Variants in CEP85L observed in about 807,000 individuals in gnomAD.
The protein encoded by CEP85L is centrosomal protein of 85 kDa-like.
CEP85L carries 60 observed loss-of-function variants against 100.3 expected under a neutral mutation model. The observed-to-expected ratio is 0.60, with a 90% CI of 0.49 to 0.74. The LOEUF (loss-of-function observed/expected upper bound fraction) is 0.74, where lower values mean the gene tolerates loss of function less well. Among genes scored for constraint, CEP85L ranks in the 30% least tolerant of loss-of-function variants. The pLI, the probability that CEP85L is intolerant of heterozygous loss-of-function variation, is 0.00. For synonymous variants in CEP85L, 319 were observed against 322.7 expected, an observed-to-expected ratio of 0.99 and a Z score of 0.12; for missense variants, 973 against 936.2, an observed-to-expected ratio of 1.04 and a Z score of -0.51.
chr6:118,559,157 A>G (rs1225399403), intron 3 of CEP85L: 3 of 1,077,758 alleles, frequency 2.8e-6, no homozygotes, highest in East Asian at 2.4e-5. Flanking sequence ...CAGGAAAACA[A>G]TATTGTATAA....
At chr6:118,567,452 G>T (rs1779620748) in intron 2 of CEP85L, among the ~76,000 whole-genome samples, 1 of 151,690 alleles carries the variant, frequency 6.6e-6, no homozygotes, top group African/African-American at 2.4e-5. Flanking sequence ...AATAGTTTTA[G>T]CAGACTAAAT....
At chr6:118,542,900 C>CAAAAAAAAAAAAAAAAAAAAAAAAAAAAA (rs71012391) in intron 3 of CEP85L, among the ~76,000 whole-genome samples, 14 of 67,162 alleles carry the variant, frequency 2.1e-4, no homozygotes, top group African/African-American at 2.7e-4. Flanking sequence ...CAAGTTTTCC[C>CAAAAAAAAAAAAAAAAAAAAAAAAAAAAA]AAAAAAAAAA....
chr6:118,568,951 TA>T (rs993744675), intron 2 of CEP85L, among the ~76,000 whole-genome samples: 9 of 151,606 alleles, frequency 5.9e-5, no homozygotes, highest in South Asian at 2.1e-4. Flanking sequence ...ATCTTTAAAT[TA>T]AAAAAAATAA....
In CEP85L at chr6:118,558,666, G is replaced by C. The variant is rs201021531; in HGVS notation, c.1020+6863C>G. 0.19 allele frequency among the ~76,000 whole-genome samples: 21,773 copies of C among 114,942 alleles called. 1,582 individuals carry two copies. Among genetic ancestry groups the C allele is most frequent in the Middle Eastern group, 0.25 (50 of 198 alleles). The allele number at this position is 114,942 out of a possible 152,430, so 75.4% of individuals were successfully genotyped here. A position where few individuals can be genotyped will look rare whatever the true frequency, so the allele number is the denominator to read the frequency against. The stretch of plus-strand genomic sequence containing the variant: ...ACACACACACACACACACACAGAGA[G>C]AGAGAGAGAGAGAGAGAGAGAGGGA... On this transcript the variant is annotated intron_variant, in intron 3 of 12. Transcript: ENST00000368491.
At chr6:118,535,656 C>T (rs2114849279) in intron 3 of CEP85L, among the ~76,000 whole-genome samples, 1 of 152,296 alleles carries the variant, frequency 6.6e-6, no homozygotes, top group Admixed American at 6.5e-5. Context: ...CCAGCTCATC[C>T]ACACTGTATA....
intron 6 of CEP85L, among the ~76,000 whole-genome samples, chr6:118,486,599 C>T (rs148553557): frequency 6.6e-6 from 1 of 152,256 alleles, no homozygotes; most frequent in East Asian, 1.9e-4. Flanking sequence ...TATCAAGGAG[C>T]CTGCTCTTCC....
At chr6:118,545,274 C>T (rs1048678873) in intron 3 of CEP85L, among the ~76,000 whole-genome samples, 1 of 152,180 alleles carries the variant, frequency 6.6e-6, no homozygotes, top group African/African-American at 2.4e-5. Flanking sequence ...TTACTACATA[C>T]ATCACAGTGC....
At chr6:118,544,919 T>C (rs1778107484) in intron 3 of CEP85L, among the ~76,000 whole-genome samples, 1 of 152,160 alleles carries the variant, frequency 6.6e-6, no homozygotes, top group African/African-American at 2.4e-5. Flanking sequence ...CAGTTTTGCT[T>C]AGATGTTTTT....
intron 1 of CEP85L, among the ~76,000 whole-genome samples, chr6:118,702,275 C>A (rs1407983490): frequency 6.6e-6 from 1 of 152,010 alleles, no homozygotes; most frequent in Non-Finnish European, 1.5e-5. Flanking sequence ...CTTTGGGAGG[C>A]TGAGGTGGGA....
At chr6:118,666,267 T>C (rs759721395) in intron 1 of CEP85L, among the ~76,000 whole-genome samples, 1 of 152,200 alleles carries the variant, frequency 6.6e-6, no homozygotes, top group African/African-American at 2.4e-5. Flanking sequence ...AAAGCGGACC[T>C]ATACAGGTGT....
At chr6:118,519,283 GTC>G (rs1776472278) in intron 4 of CEP85L, among the ~76,000 whole-genome samples, 1 of 151,928 alleles carries the variant, frequency 6.6e-6, no homozygotes, top group Non-Finnish European at 1.5e-5. Context: ...GTGAAACCCT[GTC>G]TCTACTAAAA....
chr6:118,574,487 C>T (rs1348791778), intron 2 of CEP85L, among the ~76,000 whole-genome samples: 1 of 152,180 alleles, frequency 6.6e-6, no homozygotes, highest in Non-Finnish European at 1.5e-5. Flanking sequence ...GCTGGTTCTT[C>T]TTTGTAGCAC....
chr6:118,582,556 G>A (rs149531348), intron 2 of CEP85L, among the ~76,000 whole-genome samples: 6 of 152,232 alleles, frequency 3.9e-5, no homozygotes, highest in South Asian at 2.1e-4. Context: ...CAGTTCCAGC[G>A]GACAACCCTG....
At chr6:118,659,630 T>A (rs62422245) in intron 1 of CEP85L, among the ~76,000 whole-genome samples, 1,871 of 152,356 alleles carry the variant, frequency 0.012, 23 homozygotes, top group Non-Finnish European at 0.017. Flanking sequence ...GAGCATTCAA[T>A]CAGCATTCGG....
intron 1 of CEP85L, among the ~76,000 whole-genome samples, chr6:118,658,964 T>C (rs1775883379): frequency 6.6e-6 from 1 of 152,162 alleles, no homozygotes; most frequent in Non-Finnish European, 1.5e-5. Flanking sequence ...TTTGTAGTGT[T>C]ATTTTGGGGG....
chr6:118,535,416 T>C (rs1268299119), intron 3 of CEP85L, among the ~76,000 whole-genome samples: 1 of 152,220 alleles, frequency 6.6e-6, no homozygotes. Context: ...TCTGGAGTGA[T>C]GGAAATGTCG....
At chr6:118,572,262 A>G (rs1779938252) in intron 2 of CEP85L, among the ~76,000 whole-genome samples, 1 of 138,068 alleles carries the variant, frequency 7.2e-6, no homozygotes, top group African/African-American at 2.8e-5. Context: ...GCCACATGTA[A>G]CCCATTCTTT....
chr6:118,609,268 G>T (rs1248455188), intron 2 of CEP85L, among the ~76,000 whole-genome samples: 1 of 152,050 alleles, frequency 6.6e-6, no homozygotes, highest in African/African-American at 2.4e-5. Flanking sequence ...GAAATAAAGG[G>T]AGACTTCTTT....
chr6:118,631,761 A>G (rs571293795), intron 2 of CEP85L, among the ~76,000 whole-genome samples: 4 of 152,328 alleles, frequency 2.6e-5, no homozygotes, highest in African/African-American at 9.6e-5. Flanking sequence ...AAAACTATAG[A>G]AATGGAGAGT....
Sources: allele counts gnomAD v4.1 joint callset (sites outside exome capture counted in the v4.1 genomes callset), GRCh38; gene constraint gnomAD v4.1.1; transcripts MANE v1.5; gene names NCBI Gene and HGNC (gene_info 2026-07-23, HGNC 2026-07-21).